Variants in OR2L5 observed in about 807,000 individuals in gnomAD.
The protein encoded by OR2L5 is olfactory receptor family 2 subfamily L member 5.
For missense variants in OR2L5, 413 were observed against 381.6 expected (o/e 1.08, Z -0.69); for synonymous variants, 169 against 142.0 (o/e 1.19, Z -1.35).
rs535230562 is a variant in OR2L5 at position 248,022,631 on chromosome 1, C to G, written c.684C>G (p.His228Gln). 2.6e-4 allele frequency: 423 copies of G among 1,614,120 alleles called. 1 individual carries two copies. Among genetic ancestry groups the G allele is most frequent in the South Asian group, 5.7e-4 (52 of 91,070 alleles). Residue 228 changes from histidine (H) to glutamine (Q), a missense_variant, in exon 2 of 2, where the codon CAC (histidine) becomes CAG (glutamine). By Grantham distance (24) the His-to-Gln change is conservative. Transcript: ENST00000355281. ...TTCTCCTTGCTGTCTACCGCATGCA[C>G]TCTGCAGAAGGGAGGAAAAAGGCCT... is the stretch of plus-strand genomic sequence containing the variant. ...GWVLLAVYRM[H>Q]SAEGRKKAYS...
chr1:248,015,174 C>G (rs1472290065), intron 1 of OR2L5, among the ~76,000 whole-genome samples: 1 of 152,108 alleles, frequency 6.6e-6, no homozygotes, highest in Non-Finnish European at 1.5e-5. Context: ...AAATTCATAC[C>G]CTTCTCAACA....
chr1:248,015,374 A>T (rs1021500018), intron 1 of OR2L5, among the ~76,000 whole-genome samples: 2 of 151,916 alleles, frequency 1.3e-5, no homozygotes, highest in African/African-American at 4.8e-5. Context: ...TCCGGAGGAC[A>T]CTCTTCTGTG....
chr1:248,014,097 A>AT (rs944423668), intron 1 of OR2L5, among the ~76,000 whole-genome samples: 33 of 152,088 alleles, frequency 2.2e-4, no homozygotes, highest in African/African-American at 8.0e-4. Context: ...TTGGTTGGTG[A>AT]TTTTTTGGTT....
Position 248,022,514 on chromosome 1 carries a change from A to C in OR2L5, c.567A>C (p.Thr189=). Residue 189 remains threonine, a synonymous_variant, in exon 2 of 2, where the codon ACA becomes ACC. Transcript: ENST00000355281. ...DVPAMLTLAC[T]DTWVYEYTVF... is the part of the protein sequence containing the mutation. ...CAGCTATGTTGACATTAGCCTGTACAGACACCTGGGTCTATGAGTACACAG... is the reference window on the plus strand; with the variant it reads ...CAGCTATGTTGACATTAGCCTGTACCGACACCTGGGTCTATGAGTACACAG... 7.4e-6 allele frequency: 12 copies of C among 1,614,200 alleles called. No individual in the cohort carries two copies. Among genetic ancestry groups the C allele is most frequent in the Non-Finnish European group, 9.3e-6 (11 of 1,180,036 alleles).
intron 1 of OR2L5, among the ~76,000 whole-genome samples, chr1:248,018,740 T>C (rs752360001): frequency 4.6e-5 from 7 of 152,212 alleles, no homozygotes; most frequent in Non-Finnish European, 4.4e-5. Context: ...ATCACCACCA[T>C]GCATCTCCAG....
chr1:248,015,957 A>C (rs889690010), intron 1 of OR2L5, among the ~76,000 whole-genome samples: 2 of 152,168 alleles, frequency 1.3e-5, no homozygotes, highest in Admixed American at 1.3e-4. Flanking sequence ...TCTAGACACA[A>C]GAGAACCATC....
chr1:248,022,014 G>A lies in OR2L5; in HGVS notation c.67G>A (p.Gly23Ser). The part of the protein sequence containing the change: ...LLGLFPPSKI[G>S]LFLFILFVLI... ...GGGGCTGTTCCCACCATCAAAAATT[G>A]GCCTTTTCCTCTTCATTCTCTTTGT... Residue 23 changes from glycine (G) to serine (S), a missense_variant, in exon 2 of 2, where the codon GGC becomes AGC. Transcript: ENST00000355281. 6.2e-7 allele frequency: 1 copy of A among 1,613,844 alleles called. No individual in the cohort carries two copies. Among genetic ancestry groups the A allele is most frequent in the South Asian group, 1.1e-5 (1 of 91,058 alleles).
intron 1 of OR2L5, among the ~76,000 whole-genome samples, 195 bp downstream of exon 1, chr1:248,013,933 TC>T (rs1202128929): frequency 6.6e-6 from 1 of 152,132 alleles, no homozygotes; most frequent in African/African-American, 2.4e-5. Context: ...TGCCGCTAAT[TC>T]ATAAATGTGT....
chr1:248,018,168 A>T (rs1662251933), intron 1 of OR2L5, among the ~76,000 whole-genome samples: 1 of 140,464 alleles, frequency 7.1e-6, no homozygotes, highest in Non-Finnish European at 1.5e-5. Flanking sequence ...AATAAAAAAA[A>T]AAATTCGTTA....
rs147372573 is a variant in OR2L5 at position 248,022,539 on chromosome 1, G to A, written c.592G>A (p.Val198Met). 1 of 1,614,194 alleles carries A rather than the reference G, an allele frequency of 6.2e-7. No homozygotes were observed. Among genetic ancestry groups the A allele is most frequent in the Non-Finnish European group, 8.5e-7 (1 of 1,180,046 alleles). Residue 198 changes from valine to methionine, a missense_variant, in exon 2 of 2, where the codon GTG (valine) becomes ATG (methionine). Coordinates refer to ENST00000355281, the MANE Select transcript of OR2L5 (RefSeq NM_001258284.2). The stretch of plus-strand genomic sequence containing the variant: ...AGACACCTGGGTCTATGAGTACACA[G>A]TGTTTTTGAGCAGCACCATCTTTCT... ...CTDTWVYEYTVFLSSTIFLVF... is the reference protein window; with the variant it reads ...CTDTWVYEYTMFLSSTIFLVF...
chr1:248,014,128 A>G (rs1381228519), intron 1 of OR2L5, among the ~76,000 whole-genome samples: 1 of 152,108 alleles, frequency 6.6e-6, no homozygotes, highest in African/African-American at 2.4e-5. Flanking sequence ...TTCTTTTGCC[A>G]CAAGTGGTGA....
rs150141324 is a variant in OR2L5 at position 248,020,110 on chromosome 1, C to T, written c.-21-1817C>T. 5.5e-4 allele frequency among the ~76,000 whole-genome samples: 84 copies of T among 152,214 alleles called. No individual in the cohort carries two copies. In the East Asian group the frequency reaches 0.012, roughly 22 times the overall value. On this transcript the variant is annotated intron_variant, in intron 1 of 1. Transcript: ENST00000355281. ...TCCTTTCTTCTATTGGTATACATGTCTGGCTTTATACCAATGCCATACTGT... is the reference window on the plus strand; with the variant it reads ...TCCTTTCTTCTATTGGTATACATGTTTGGCTTTATACCAATGCCATACTGT...
At chr1:248,018,527 G>A (rs930569011) in intron 1 of OR2L5, among the ~76,000 whole-genome samples, 11 of 152,098 alleles carry the variant, frequency 7.2e-5, no homozygotes, top group African/African-American at 2.7e-4. Flanking sequence ...AATTACCAGA[G>A]GTCATAAAAT....
At position 248,022,698 on chromosome 1, in the gene OR2L5, T is replaced by C. The variant is rs117339521; in HGVS notation, c.751T>C (p.Tyr251His). ...CCACCTCACTGTAGTAACTTTCTAC[T>C]ATGCACCCTTTGCTTATACCTATCT... ...STHLTVVTFYYAPFAYTYLCP... is the reference protein window; with the variant it reads ...STHLTVVTFYHAPFAYTYLCP... Residue 251 changes from tyrosine (Y) to histidine (H), a missense_variant, in exon 2 of 2, where the codon TAT becomes CAT. By Grantham distance (83) the Tyr-to-His change is moderately conservative. Coordinates refer to ENST00000355281, the MANE Select transcript of OR2L5 (RefSeq NM_001258284.2). 2,144 of 1,614,196 alleles carry C rather than the reference T, an allele frequency of 1.3e-3. 46 individuals carry two copies. In the East Asian group the frequency reaches 0.042, roughly 32 times the overall value.
In OR2L5 at chr1:248,022,882, T is replaced by C. The variant is rs753097600; in HGVS notation, c.935T>C (p.Met312Thr). ...RVIQNIFSVK[M>T] ...ATTCAGAATATCTTCTCGGTGAAAA[T>C]GTAGACATACGTTCTGTGTTAGAGT... Residue 312 changes from methionine (M) to threonine (T), a missense_variant, in exon 2 of 2, where the codon ATG becomes ACG. Met to Thr is a moderately conservative substitution (Grantham distance 81). Coordinates refer to ENST00000355281, the MANE Select transcript of OR2L5 (RefSeq NM_001258284.2). 6.2e-7 allele frequency: 1 copy of C among 1,603,692 alleles called. No homozygotes were observed. The highest frequency in any genetic ancestry group is 8.5e-7 in the Non-Finnish European group (1 of 1,174,958).
rs772506596 is a variant in OR2L5, at chr1:248,022,564, T to C, written c.617T>C (p.Leu206Pro). 9 of 1,614,164 alleles carry C rather than the reference T, an allele frequency of 5.6e-6. No individual in the cohort carries two copies. The Admixed American group carries it at 6.7e-5, about 12-fold the overall frequency. ...YTVFLSSTIFLVFPFTGIACS... is the reference protein window; with the variant it reads ...YTVFLSSTIFPVFPFTGIACS... Reference sequence around the variant, plus strand: ...GTGTTTTTGAGCAGCACCATCTTTCTTGTGTTTCCCTTCACTGGCATTGCG... The same window carrying C: ...GTGTTTTTGAGCAGCACCATCTTTCCTGTGTTTCCCTTCACTGGCATTGCG... The change falls in exon 2 of 2, where the codon CTT becomes CCT. Residue 206 changes from leucine (L) to proline (P), a missense_variant. Leu to Pro is a moderately conservative substitution (Grantham distance 98, BLOSUM62 -3). Transcript: ENST00000355281.
At chr1:248,017,695 C>G (rs1212267645) in intron 1 of OR2L5, among the ~76,000 whole-genome samples, 3 of 152,040 alleles carry the variant, frequency 2.0e-5, no homozygotes, top group African/African-American at 7.2e-5. Flanking sequence ...GTCTTTTCTA[C>G]CCGGTGGTCT....
In OR2L5 at chr1:248,022,022, C is replaced by G. The variant is rs747395852; in HGVS notation, c.75C>G (p.Phe25Leu). The change falls in exon 2 of 2, where the codon TTC (phenylalanine) becomes TTG (leucine). Residue 25 changes from phenylalanine (F) to leucine (L), a missense_variant. Physicochemically the swap from Phe to Leu is conservative, Grantham distance 22. Transcript: ENST00000355281. ...GLFPPSKIGL[F>L]LFILFVLIFL... Reference sequence around the variant, plus strand: ...TCCCACCATCAAAAATTGGCCTTTTCCTCTTCATTCTCTTTGTTCTCATTT... The same window carrying G: ...TCCCACCATCAAAAATTGGCCTTTTGCTCTTCATTCTCTTTGTTCTCATTT... The G allele has an allele frequency of 1.9e-6, 3 of 1,613,928 alleles. No individual in the cohort carries two copies. The highest frequency in any genetic ancestry group is 8.5e-7 in the Non-Finnish European group (1 of 1,179,872).
intron 1 of OR2L5, among the ~76,000 whole-genome samples, chr1:248,021,489 A>G (rs1407836875): frequency 6.6e-6 from 1 of 152,180 alleles, no homozygotes; most frequent in Non-Finnish European, 1.5e-5. Context: ...AATGCCACAA[A>G]TGAACACTTC....
Sources: allele counts gnomAD v4.1 joint callset (sites outside exome capture counted in the v4.1 genomes callset), GRCh38; gene constraint gnomAD v4.1.1; transcripts MANE v1.5; gene names NCBI Gene and HGNC (gene_info 2026-07-23, HGNC 2026-07-21).